The following SRGAP3 variants were observed in gnomAD, a reference collection of about 807,000 sequenced individuals.
The protein encoded by SRGAP3 is SLIT-ROBO Rho GTPase activating protein 3, also known as SLIT-ROBO Rho GTPase-activating protein 3.
A neutral mutation model predicts 121.1 loss-of-function variants in SRGAP3; 39 were observed. The observed-to-expected ratio is 0.32, with a 90% confidence interval of 0.25 to 0.42. The LOEUF is 0.42. Ranked by LOEUF, SRGAP3 falls within the 10% of genes least tolerant of loss-of-function variation. SRGAP3 has a pLI of 1.00. For missense variants in SRGAP3, 1,213 were observed against 1,470.6 expected, an observed-to-expected ratio of 0.82 and a Z score of 2.86; for synonymous variants, 601 against 570.0, an observed-to-expected ratio of 1.05 and a Z score of -0.77.
At chr3:9,353,671 T>C (rs1396786476) in intron 1 of SRGAP3, among the ~76,000 whole-genome samples, 3 of 152,248 alleles carry the variant, frequency 2.0e-5, no homozygotes, top group Non-Finnish European at 4.4e-5. Context: ...TTCCCTCTAG[T>C]TGTTAACACC....
chr3:9,139,599 G>A (rs1309386767), intron 1 of SRGAP3, among the ~76,000 whole-genome samples: 6 of 152,212 alleles, frequency 3.9e-5, no homozygotes, highest in Non-Finnish European at 8.8e-5. Context: ...TTTTGGATTG[G>A]TGAAGCTGAT....
intron 1 of SRGAP3, among the ~76,000 whole-genome samples, chr3:9,333,932 T>C (rs1955649920): frequency 6.6e-6 from 1 of 152,092 alleles, no homozygotes; most frequent in South Asian, 2.1e-4. Flanking sequence ...GAAGAAAACA[T>C]GGCAGAAATG....
intron 1 of SRGAP3, among the ~76,000 whole-genome samples, chr3:9,203,799 A>T (rs955762294): frequency 4.1e-4 from 63 of 152,374 alleles, no homozygotes; most frequent in African/African-American, 1.4e-3. Context: ...CAAAGGTAAT[A>T]CTGTGTTCAC....
At chr3:9,292,936 T>C (rs2648568) in intron 3 of SRGAP3, 98,970 of 151,224 alleles carry the variant, frequency 0.65, 33,423 homozygotes, top group Non-Finnish European at 0.75. Flanking sequence ...CCCTTAAGAG[T>C]ACAATGGGGC....
chr3:9,124,629 A>C (rs1462422512), intron 2 of SRGAP3, 96 bp downstream of exon 2: 1 of 1,529,204 alleles, frequency 6.5e-7, no homozygotes. Context: ...CTCTGCCTCC[A>C]ATGAAGCTGG....
chr3:9,186,388 T>C (rs1263229324), intron 1 of SRGAP3, among the ~76,000 whole-genome samples: 1 of 152,220 alleles, frequency 6.6e-6, no homozygotes, highest in Non-Finnish European at 1.5e-5. Flanking sequence ...TATTGTTACA[T>C]TGTCGGCTCC....
chr3:9,002,361 A>G (rs1325898284), intron 18 of SRGAP3, among the ~76,000 whole-genome samples: 1 of 152,250 alleles, frequency 6.6e-6, no homozygotes, highest in Non-Finnish European at 1.5e-5. Context: ...GTTGAAGAAA[A>G]AAATCAAAAG....
rs532508458 is a variant in SRGAP3, at chr3:9,276,616, A to G, written n.442+49394T>C. Among the ~76,000 whole-genome samples, 8 of 152,180 alleles carry G rather than the reference A, an allele frequency of 5.3e-5. No homozygotes were observed. The South Asian group carries it at 6.2e-4, about 12-fold the overall frequency. On this transcript the variant is annotated intron_variant and non_coding_transcript_variant, in intron 3 of 3. Transcript: ENST00000490889. Reference sequence around the variant, plus strand: ...AATTTTTTGTATTTTTAGTAGAGACAGGGTTTCACTATGTTGACCAGACTG... The same window carrying G: ...AATTTTTTGTATTTTTAGTAGAGACGGGGTTTCACTATGTTGACCAGACTG...
chr3:9,163,027 G>C (rs1037323455), intron 1 of SRGAP3, among the ~76,000 whole-genome samples: 2 of 152,186 alleles, frequency 1.3e-5, no homozygotes, highest in Middle Eastern at 3.2e-3. Context: ...TAAAAAGAGG[G>C]AGGTCACCGT....
At chr3:9,217,213 C>A (rs1262275849) in intron 1 of SRGAP3, 2 of 152,158 alleles carry the variant, frequency 1.3e-5, no homozygotes, top group Non-Finnish European at 2.9e-5. Context: ...GGCTGGCACT[C>A]GTTAACTGAG....
intron 1 of SRGAP3, among the ~76,000 whole-genome samples, chr3:9,197,898 C>A (rs191554719): frequency 1.5e-3 from 227 of 152,322 alleles, no homozygotes; most frequent in African/African-American, 3.5e-3. Flanking sequence ...GAATATGAGC[C>A]TTTCCAAAAC....
chr3:9,127,331 T>C (rs1294969833), intron 1 of SRGAP3, among the ~76,000 whole-genome samples: 1 of 152,336 alleles, frequency 6.6e-6, no homozygotes, highest in African/African-American at 2.4e-5. Context: ...AGCAAGACTC[T>C]GTCTCAAAAA....
intron 1 of SRGAP3, among the ~76,000 whole-genome samples, chr3:9,152,008 G>C (rs1950227851): frequency 6.6e-6 from 1 of 152,216 alleles, no homozygotes; most frequent in Non-Finnish European, 1.5e-5. Flanking sequence ...TGCTGTTCTA[G>C]ATCCCCAACC....
chr3:9,057,186 C>T (rs1014511052), intron 7 of SRGAP3, among the ~76,000 whole-genome samples: 1 of 152,194 alleles, frequency 6.6e-6, no homozygotes, highest in Non-Finnish European at 1.5e-5. Flanking sequence ...ATCTCGGCCT[C>T]CCAAGTGCTG....
At chr3:9,183,395 G>A (rs1053255161) in intron 1 of SRGAP3, among the ~76,000 whole-genome samples, 2 of 152,166 alleles carry the variant, frequency 1.3e-5, no homozygotes, top group Non-Finnish European at 1.5e-5. Context: ...ATGAGGTCAT[G>A]AAAACATGGA....
chr3:9,345,520 C>T (rs889582553), intron 1 of SRGAP3, among the ~76,000 whole-genome samples: 1 of 148,746 alleles, frequency 6.7e-6, no homozygotes, highest in Non-Finnish European at 1.5e-5. Flanking sequence ...CGGTGGCTAA[C>T]GCTTGTAATC....
intron 1 of SRGAP3, among the ~76,000 whole-genome samples, chr3:9,225,207 G>C (rs1952945713): frequency 6.6e-6 from 1 of 152,194 alleles, no homozygotes; most frequent in South Asian, 2.1e-4. Flanking sequence ...CTTCCAAGCA[G>C]AAACTGCCCA....
chr3:9,312,653 T>G (rs150032694), intron 3 of SRGAP3, among the ~76,000 whole-genome samples: 19 of 152,328 alleles, frequency 1.2e-4, no homozygotes, highest in African/African-American at 4.3e-4. Flanking sequence ...AGAGGTTATT[T>G]AACAGTCCAT....
intron 2 of SRGAP3, among the ~76,000 whole-genome samples, chr3:9,123,397 A>ATATATATATATATATATATAT (rs764680440): frequency 1.3e-4 from 12 of 89,214 alleles, no homozygotes; most frequent in African/African-American, 3.8e-4. Context: ...ATACATACAC[A>ATATATATATATATATATATAT]ATACACATAC....
Sources: gnomAD v4.1 joint callset for allele counts (sites outside exome capture counted in the v4.1 genomes callset) on GRCh38, gnomAD v4.1.1 for gene constraint, MANE v1.5 for transcripts, NCBI Gene and HGNC (gene_info 2026-07-23, HGNC 2026-07-21) for gene names.